PLCB4: variants seen among roughly 807,000 people sequenced by gnomAD.
PLCB4 encodes the protein phospholipase C beta 4.
A neutral mutation model predicts 178.8 loss-of-function variants in PLCB4; 77 were observed. The ratio of observed to expected loss-of-function variants is 0.43; its 90% CI spans 0.36 to 0.52. The LOEUF is 0.52. PLCB4 is among the 20% of genes least tolerant of loss of function. The probability of loss-of-function intolerance (pLI) is 0.00; values close to 1 mark genes in which losing one functional copy is unlikely to be tolerated. For missense variants in PLCB4, 1,024 were observed against 1,453.4 expected (o/e 0.70, Z 4.80); for synonymous variants, 496 against 490.8 (o/e 1.01, Z -0.14).
In PLCB4 at chr20:9,437,170, G is replaced by T. The variant is rs763689372; in HGVS notation, c.2764+18G>T. The T allele has an allele frequency of 2.5e-6, 4 of 1,610,054 alleles. No individual in the cohort carries two copies. The highest frequency in any genetic ancestry group is 1.3e-5 in the African/African-American group (1 of 74,674). On this transcript the variant is annotated intron_variant, in intron 30 of 39. Coordinates refer to ENST00000378473, the MANE Select transcript of PLCB4 (RefSeq NM_001377142.1). ...CAAGAAAGGTGAGAGAGAGCCGTTG[G>T]GTTCCTTATCTTCTGCACCCACCTT... is the stretch of plus-strand genomic sequence containing the variant.
intron 3 of PLCB4, among the ~76,000 whole-genome samples, chr20:9,285,085 A>T (rs1258080556): frequency 1.3e-5 from 2 of 151,750 alleles, no homozygotes; most frequent in African/African-American, 2.4e-5. Context: ...AAAGAAAACC[A>T]TCAAAAAACA....
chr20:9,098,990 A>G (rs1251373870), intron 2 of PLCB4, among the ~76,000 whole-genome samples: 1 of 151,578 alleles, frequency 6.6e-6, no homozygotes, highest in African/African-American at 2.4e-5. Flanking sequence ...TTCCTGCTAT[A>G]AGGAAATATA....
intron 3 of PLCB4, among the ~76,000 whole-genome samples, chr20:9,281,529 A>G (rs1862656397): frequency 6.6e-6 from 1 of 152,038 alleles, no homozygotes; most frequent in African/African-American, 2.4e-5. Flanking sequence ...AAAGTAATTC[A>G]ACTGAACTGT....
intron 21 of PLCB4, among the ~76,000 whole-genome samples, chr20:9,407,557 G>T (rs1443347362): frequency 6.6e-6 from 1 of 152,090 alleles, no homozygotes; most frequent in East Asian, 1.9e-4. Flanking sequence ...TTTTAGTAGA[G>T]ATGGGGTTTT....
Position 9,144,089 on chromosome 20 carries a change from C to T in PLCB4, c.-79+47747C>T, listed in dbSNP as rs536172212. Among the ~76,000 whole-genome samples, 44 of 152,232 alleles carry T rather than the reference C, an allele frequency of 2.9e-4. No homozygotes were observed. In the South Asian group the frequency reaches 8.7e-3, roughly 30 times the overall value. On this transcript the variant is annotated intron_variant, in intron 2 of 39. Transcript: ENST00000378473. ...TAGTTTTATTTGGTATCACTTTTAT[C>T]TTTTCCCAGGGGATGCAGATGTGTT...
chr20:9,450,446 A>G (rs1025369822), intron 32 of PLCB4, among the ~76,000 whole-genome samples: 1 of 152,190 alleles, frequency 6.6e-6, no homozygotes, highest in Admixed American at 6.5e-5. Context: ...TGCCTACCAC[A>G]CAGGGATGGA....
intron 2 of PLCB4, among the ~76,000 whole-genome samples, chr20:9,121,620 T>C (rs1334823879): frequency 6.6e-6 from 1 of 152,298 alleles, no homozygotes; most frequent in Middle Eastern, 3.4e-3. Context: ...AGAAATCCTT[T>C]AGGGAGAATT....
At position 9,472,825 on chromosome 20, in the gene PLCB4, A is replaced by T; in HGVS notation, c.3386A>T (p.Lys1129Met). The T allele has an allele frequency of 6.3e-7, 1 of 1,597,850 alleles. No homozygotes were observed. The highest frequency in any genetic ancestry group is 8.6e-7 in the Non-Finnish European group (1 of 1,168,770). Residue 1129 changes from lysine (K) to methionine (M), a missense_variant, in exon 37 of 40, where the codon AAG becomes ATG. Physicochemically the swap from Lys to Met is moderately conservative, Grantham distance 95. This residue lies in a region of PLCB4 where 264 missense variants were observed against 283.2 expected (regional missense o/e 0.93). Transcript: ENST00000378473. Reference sequence around the variant, plus strand: ...GAGTTAAACAGCAGCAACACTAAAAAGTTTCTGGAAGAAAGAAAGAGAGTA... The same window carrying T: ...GAGTTAAACAGCAGCAACACTAAAATGTTTCTGGAAGAAAGAAAGAGAGTA... Reference protein sequence around the residue: ...VRELNSSNTKKFLEERKRLAM... With the variant: ...VRELNSSNTKMFLEERKRLAM...
At chr20:9,185,719 C>G (rs183600252) in intron 2 of PLCB4, among the ~76,000 whole-genome samples, 1 of 152,244 alleles carries the variant, frequency 6.6e-6, no homozygotes. Context: ...CTCCTTTTTG[C>G]GTGACCTCAT....
chr20:9,268,711 G>T (rs369232151), intron 3 of PLCB4, among the ~76,000 whole-genome samples: 1 of 152,182 alleles, frequency 6.6e-6, no homozygotes, highest in Non-Finnish European at 1.5e-5. Flanking sequence ...GGTGTTAAGA[G>T]ACAAAGACTA....
intron 35 of PLCB4, among the ~76,000 whole-genome samples, chr20:9,462,749 A>C (rs147242372): frequency 0.11 from 16,203 of 152,238 alleles, 965 homozygotes; most frequent in East Asian, 0.13. Context: ...CAAAGCCTCC[A>C]AGAAATATGG....
intron 18 of PLCB4, among the ~76,000 whole-genome samples, chr20:9,394,816 C>A (rs953503044): frequency 3.9e-5 from 6 of 152,232 alleles, no homozygotes; most frequent in Middle Eastern, 3.4e-3. Context: ...AGACTCTTCA[C>A]CAGTCATATA....
At chr20:9,355,452 A>C (rs927397287) in intron 7 of PLCB4, among the ~76,000 whole-genome samples, 2 of 151,144 alleles carry the variant, frequency 1.3e-5, no homozygotes, top group Non-Finnish European at 2.9e-5. Context: ...CCATCCCCTG[A>C]CCCCACAACA....
chr20:9,441,143 C>T (rs1008252968), intron 30 of PLCB4, among the ~76,000 whole-genome samples: 1 of 152,172 alleles, frequency 6.6e-6, no homozygotes, highest in Admixed American at 6.5e-5. Context: ...AGGAAAACCA[C>T]AATTCAGATA....
At chr20:9,322,391 T>C (rs566592289) in intron 4 of PLCB4, among the ~76,000 whole-genome samples, 126 of 152,368 alleles carry the variant, frequency 8.3e-4, no homozygotes, top group Non-Finnish European at 1.6e-3. Context: ...TTTTTAATAT[T>C]TATTTTGATA....
intron 3 of PLCB4, among the ~76,000 whole-genome samples, chr20:9,238,054 T>C (rs1268591636): frequency 1.3e-5 from 2 of 152,130 alleles, no homozygotes; most frequent in African/African-American, 4.8e-5. Flanking sequence ...GGATAGGGAC[T>C]GCGAAAGAAG....
chr20:9,187,507 A>G (rs992139018), intron 2 of PLCB4, among the ~76,000 whole-genome samples: 3 of 152,152 alleles, frequency 2.0e-5, no homozygotes, highest in Non-Finnish European at 4.4e-5. Context: ...CCAGACTGTA[A>G]ACCCTCTGAG....
At chr20:9,189,590 A>T (rs1274507470) in intron 2 of PLCB4, among the ~76,000 whole-genome samples, 2 of 152,336 alleles carry the variant, frequency 1.3e-5, no homozygotes, top group Middle Eastern at 3.4e-3. Flanking sequence ...CCAGGAGCAT[A>T]CTGTCTCAGT....
At chr20:9,393,246 C>T (rs1169340947) in intron 17 of PLCB4, among the ~76,000 whole-genome samples, 3 of 152,174 alleles carry the variant, frequency 2.0e-5, no homozygotes, top group African/African-American at 7.2e-5. Context: ...CACAATTGTC[C>T]CTTGCACTTT....
Sources: allele counts gnomAD v4.1 joint callset (sites outside exome capture counted in the v4.1 genomes callset), GRCh38; gene constraint gnomAD v4.1.1; regional missense constraint gnomAD v4.1.1; transcripts MANE v1.5; gene names NCBI Gene and HGNC (gene_info 2026-07-23, HGNC 2026-07-21).